The following AKT1 variants were observed in gnomAD, a reference collection of about 807,000 sequenced individuals.
AKT1 encodes the protein AKT serine/threonine kinase 1.
AKT1 carries 21 observed loss-of-function variants against 63.1 expected under a neutral mutation model. The observed-to-expected ratio is 0.33, with a 90% CI of 0.24 to 0.48. AKT1 has a LOEUF of 0.48. AKT1 is among the 20% of genes least tolerant of loss of function. The pLI is 0.99. For synonymous variants in AKT1, 257 were observed against 253.1 expected (o/e 1.02, Z -0.15); for missense variants, 382 against 666.0 (o/e 0.57, Z 4.69).
chr14:104,775,485 G>A (rs1892648725), intron 6 of AKT1, 167 bp downstream of exon 6: 4 of 1,124,094 alleles, frequency 3.6e-6, no homozygotes, highest in Non-Finnish European at 4.9e-6. Context: ...ACATGGGGAA[G>A]AGGACCCACC....
In AKT1 at chr14:104,776,856, C is replaced by T. The variant is rs555540218; in HGVS notation, c.176-86G>A. 339 of 1,107,666 alleles carry T rather than the reference C, an allele frequency of 3.1e-4. 3 individuals are homozygous for T. The highest frequency in any genetic ancestry group is 2.8e-3 in the Middle Eastern group (12 of 4,222). The allele number at this position is 1,107,666 out of a possible 1,614,324, so 68.6% of individuals were successfully genotyped here. A position where few individuals can be genotyped will look rare whatever the true frequency, so the allele number is the denominator to read the frequency against. On this transcript the variant is annotated intron_variant, in intron 4 of 14. Coordinates refer to ENST00000649815, the MANE Select transcript of AKT1 (RefSeq NM_001382430.1). Reference sequence around the variant, plus strand: ...ACAGCCCCCGCTGCACCAGCCAGCTCCCCTTGCATACCACCCACCAGGTCC... The same window carrying T: ...ACAGCCCCCGCTGCACCAGCCAGCTTCCCTTGCATACCACCCACCAGGTCC...
intron 3 of AKT1, among the ~76,000 whole-genome samples, chr14:104,785,849 G>A (rs1242101554): frequency 1.3e-5 from 2 of 152,072 alleles, no homozygotes; most frequent in Non-Finnish European, 2.9e-5. Flanking sequence ...ACAGCCGGAG[G>A]CGCTGGGGCC....
chr14:104,774,266 C>CTA, intron 8 of AKT1: 3 of 492,632 alleles, frequency 6.1e-6, no homozygotes, highest in Admixed American at 3.3e-5. Flanking sequence ...CTGCCTCATG[C>CTA]CACGCCACCA....
At chr14:104,780,022 G>C (rs1309904177) in intron 4 of AKT1, 66 bp downstream of exon 4, 1 of 1,582,390 alleles carries the variant, frequency 6.3e-7, no homozygotes, top group Non-Finnish European at 8.6e-7. Flanking sequence ...CGTGGGGCCT[G>C]GTGGGCAAAG....
chr14:104,773,003 G>T lies in AKT1; in HGVS notation c.1047C>A (p.Phe349Leu), dbSNP rs2140901623. 1 of 1,614,194 alleles carries T rather than the reference G, an allele frequency of 6.2e-7. No individual in the cohort carries two copies. Among genetic ancestry groups the T allele is most frequent in the Non-Finnish European group, 8.5e-7 (1 of 1,180,040 alleles). Residue 349 changes from phenylalanine (F) to leucine (L), a missense_variant, in exon 12 of 15, where the codon TTC becomes TTA. Coordinates refer to ENST00000649815, the MANE Select transcript of AKT1 (RefSeq NM_001382430.1). ...MYEMMCGRLP[F>L]YNQDHEKLFE... Reference sequence around the variant, plus strand: ...AAAGCTTCTCATGGTCCTGGTTGTAGAAGGGCAGGCGACCGCACATCATCT... The same window carrying T: ...AAAGCTTCTCATGGTCCTGGTTGTATAAGGGCAGGCGACCGCACATCATCT...
chr14:104,776,812 C>G (rs746363609), intron 4 of AKT1, 42 bp from the exon 5 acceptor site: 2 of 1,569,542 alleles, frequency 1.3e-6, no homozygotes, highest in African/African-American at 2.7e-5. Flanking sequence ...ATCCCCCTGC[C>G]CCTCCCAGGG....
At chr14:104,771,293 C>G (rs1032425802) in intron 13 of AKT1, 13 of 255,088 alleles carry the variant, frequency 5.1e-5, no homozygotes. Context: ...ACTACAGGAC[C>G]ACAGCCTGCT....
At chr14:104,791,476 C>T (rs1221785016) in intron 3 of AKT1, among the ~76,000 whole-genome samples, 1 of 152,126 alleles carries the variant, frequency 6.6e-6, no homozygotes, top group Admixed American at 6.5e-5. Flanking sequence ...CCCCGCGTGC[C>T]ATCACTGGTA....
chr14:104,790,183 A>C (rs1404812822), intron 3 of AKT1, among the ~76,000 whole-genome samples: 2 of 152,106 alleles, frequency 1.3e-5, no homozygotes, highest in Non-Finnish European at 2.9e-5. Flanking sequence ...CTGAGAACCA[A>C]AGTGCCCCAG....
chr14:104,783,921 C>T (rs1050822851), intron 3 of AKT1, among the ~76,000 whole-genome samples: 5 of 152,244 alleles, frequency 3.3e-5, no homozygotes, highest in African/African-American at 1.2e-4. Context: ...TCAGCAAGTC[C>T]GGATGGGGGA....
At position 104,775,739 on chromosome 14, in the gene AKT1, C is replaced by T. The variant is rs1595245735; in HGVS notation, c.348G>A (p.Glu116=). 1.9e-6 allele frequency: 3 copies of T among 1,614,046 alleles called. No homozygotes were observed. The highest frequency in any genetic ancestry group is 2.5e-6 in the Non-Finnish European group (3 of 1,179,964). The change falls in exon 6 of 15, where the codon GAG becomes GAA. Residue 116 remains glutamate (E), a synonymous_variant. Coordinates refer to ENST00000649815, the MANE Select transcript of AKT1 (RefSeq NM_001382430.1). Reference sequence around the variant, plus strand: ...GTGAGCCCGACCGGAAGTCCATCTCCTCCTCCTCCTGCTTCTTGAGGCCGT... The same window carrying T: ...GTGAGCCCGACCGGAAGTCCATCTCTTCCTCCTCCTGCTTCTTGAGGCCGT... ...VADGLKKQEE[E]EMDFRSGSPS... is the part of the protein sequence containing the mutation.
At position 104,785,192 on chromosome 14, in the gene AKT1, A is replaced by G. The variant is rs561139340; in HGVS notation, c.47-4976T>C. On this transcript the variant is annotated intron_variant, in intron 3 of 14. Coordinates refer to ENST00000649815, the MANE Select transcript of AKT1 (RefSeq NM_001382430.1). ...ACGGCTCCGCTGACGGCAGCCCATG[A>G]GGGGCCCGCAACCCACCCTCCCCGC... Among the ~76,000 whole-genome samples the G allele has an allele frequency of 3.4e-4, 52 of 152,214 alleles. 1 individual carries two copies. Among genetic ancestry groups the G allele is most frequent in the Middle Eastern group, 6.8e-3 (2 of 294 alleles).
In AKT1 at chr14:104,770,803, G is replaced by C; in HGVS notation, c.1305C>G (p.Thr435=). The C allele has an allele frequency of 6.2e-7, 1 of 1,614,136 alleles. No individual in the cohort carries two copies. Among genetic ancestry groups the C allele is most frequent in the Non-Finnish European group, 8.5e-7 (1 of 1,180,020 alleles). ...FKPQVTSETD[T]RYFDEEFTAQ... The stretch of plus-strand genomic sequence containing the variant: ...CCGTGAACTCCTCATCAAAATACCT[G>C]GTGTCAGTCTCCGACGTGACCTGGG... Residue 435 remains threonine, a synonymous_variant, in exon 14 of 15, where the codon ACC becomes ACG. Coordinates refer to ENST00000649815, the MANE Select transcript of AKT1 (RefSeq NM_001382430.1).
intron 4 of AKT1, chr14:104,777,243 G>GGGGCACACCCACACCTA (rs1892770697): frequency 4.7e-6 from 1 of 212,716 alleles, no homozygotes; most frequent in East Asian, 1.7e-4. Flanking sequence ...ACCCACACCT[G>GGGGCACACCCACACCTA]GGGCACACCC....
At position 104,773,953 on chromosome 14, in the gene AKT1, C is replaced by G. The variant is rs762040581; in HGVS notation, c.661G>C (p.Asp221His). ...TALKYSFQTH[D>H]RLCFVMEYAN... ...TACTCCATGACAAAGCAGAGGCGGTCGTGGGTCTGGAAAGAGTACTTCAGG... is the reference window on the plus strand; with the variant it reads ...TACTCCATGACAAAGCAGAGGCGGTGGTGGGTCTGGAAAGAGTACTTCAGG... Residue 221 changes from aspartate (D) to histidine (H), a missense_variant, in exon 9 of 15, where the codon GAC (aspartate) becomes CAC (histidine). Around this residue, in one of 3 missense-constraint regions of AKT1, gnomAD observed 226 missense variants for 366.4 expected, o/e 0.62. Transcript: ENST00000649815. 2 of 1,612,306 alleles carry G rather than the reference C, an allele frequency of 1.2e-6. No individual in the cohort carries two copies. The highest frequency in any genetic ancestry group is 2.2e-5 in the East Asian group (1 of 44,866).
At position 104,776,639 on chromosome 14, in the gene AKT1, G is replaced by C. The variant is rs1485532430; in HGVS notation, c.287+20C>G. 6.2e-7 allele frequency: 1 copy of C among 1,607,196 alleles called. No individual in the cohort carries two copies. Among genetic ancestry groups the C allele is most frequent in the East Asian group, 2.2e-5 (1 of 44,780 alleles). Reference sequence around the variant, plus strand: ...CTGGGGCTGCCCAAGTGCCTGGCCTGGCCGCCACAGCCCACGTACCGCTCC... The same window carrying C: ...CTGGGGCTGCCCAAGTGCCTGGCCTCGCCGCCACAGCCCACGTACCGCTCC... On this transcript the variant is annotated intron_variant, in intron 5 of 14. Coordinates refer to ENST00000649815, the MANE Select transcript of AKT1 (RefSeq NM_001382430.1).
At chr14:104,779,995 C>T (rs1892943788) in intron 4 of AKT1, 93 bp downstream of exon 4, 4 of 1,533,130 alleles carry the variant, frequency 2.6e-6, no homozygotes, top group Non-Finnish European at 3.5e-6. Context: ...GACTTGGAGG[C>T]TCCAGGGGAC....
chr14:104,782,546 G>A (rs1007569422), intron 3 of AKT1, among the ~76,000 whole-genome samples: 8 of 152,160 alleles, frequency 5.3e-5, no homozygotes, highest in Admixed American at 5.2e-4. Flanking sequence ...AGGCCCAGGG[G>A]CGGCGCTTAC....
At chr14:104,790,569 C>CT (rs1893577944) in intron 3 of AKT1, among the ~76,000 whole-genome samples, 1 of 152,212 alleles carries the variant, frequency 6.6e-6, no homozygotes, top group South Asian at 2.1e-4. Flanking sequence ...AGGCTTTCCT[C>CT]CGCAAGGAGC....
Sources: allele counts gnomAD v4.1 joint callset (sites outside exome capture counted in the v4.1 genomes callset), GRCh38; gene constraint gnomAD v4.1.1; regional missense constraint gnomAD v4.1.1; transcripts MANE v1.5; gene names NCBI Gene and HGNC (gene_info 2026-07-23, HGNC 2026-07-21).